The following PNISR variants were observed in gnomAD, a reference collection of about 807,000 sequenced individuals.
PNISR encodes the protein PNN interacting serine and arginine rich protein.
Under a neutral mutation model 93.4 loss-of-function variants are expected in PNISR, and 20 were observed. The observed-to-expected ratio is 0.21, with a 90% CI of 0.15 to 0.31. PNISR has a LOEUF of 0.31. Ranked by LOEUF, PNISR falls within the 10% of genes least tolerant of loss-of-function variation. The probability of loss-of-function intolerance (pLI) is 1.00; values close to 1 mark genes in which losing one functional copy is unlikely to be tolerated. For missense variants in PNISR, 893 were observed against 985.4 expected (o/e 0.91, Z 1.25); for synonymous variants, 305 against 306.5 (o/e 0.99, Z 0.05).
At chr6:99,412,398 A>G (rs1464725374) in intron 4 of PNISR, 153 bp downstream of exon 4, 4 of 714,522 alleles carry the variant, frequency 5.6e-6, no homozygotes, top group Admixed American at 2.0e-5. Context: ...TTTTAACCAC[A>G]AAATGTCAAA....
chr6:99,409,399 G>T, intron 5 of PNISR, 55 bp from the exon 6 acceptor site: 1 of 1,502,960 alleles, frequency 6.7e-7, no homozygotes, highest in Non-Finnish European at 9.2e-7. Flanking sequence ...ATACTCTCTG[G>T]GACACACGTG....
chr6:99,402,836 G>C, intron 10 of PNISR, 126 bp from the exon 11 acceptor site: 1 of 653,700 alleles, frequency 1.5e-6, no homozygotes, highest in Non-Finnish European at 2.5e-6. Context: ...ACGCTTATTC[G>C]GGGTGGGGAG....
At position 99,400,565 on chromosome 6, in the gene PNISR, T is replaced by C; in HGVS notation, c.2393A>G (p.His798Arg). 6.2e-7 allele frequency: 1 copy of C among 1,613,956 alleles called. No homozygotes were observed. Among genetic ancestry groups the C allele is most frequent in the Non-Finnish European group, 8.5e-7 (1 of 1,179,954 alleles). ...CTACCTTGATCGGGACTTAGACTTG[T>C]GTTTGCGGCTTGCCTTCTTACCAGA... is the stretch of plus-strand genomic sequence containing the variant. Reference protein sequence around the residue: ...QRSGKKASRKHKSKSRSR With the variant: ...QRSGKKASRKRKSKSRSR Residue 798 changes from histidine (H) to arginine (R), a missense_variant, in exon 12 of 12, where the codon CAC becomes CGC. His to Arg is a conservative substitution (Grantham distance 29). Coordinates refer to ENST00000369239, the MANE Select transcript of PNISR (RefSeq NM_032870.4).
chr6:99,410,782 C>T lies in PNISR; in HGVS notation c.460G>A (p.Asp154Asn), dbSNP rs1475265834. Residue 154 changes from aspartate (D) to asparagine (N), a missense_variant, in exon 5 of 12, where the codon GAT becomes AAT. By Grantham distance (23) the Asp-to-Asn change is conservative. This residue lies in a region of PNISR where 866 missense variants were observed against 935.1 expected (regional missense o/e 0.93). Transcript: ENST00000369239. ...TTCACTGGCCCCACTGCAAAATTATCGGGTGGTCCACCAAAGTTGTGATTG... is the reference window on the plus strand; with the variant it reads ...TTCACTGGCCCCACTGCAAAATTATTGGGTGGTCCACCAAAGTTGTGATTG... ...QNNHNFGGPP[D>N]NFAVGPVNQF... is the part of the protein sequence containing the mutation. The T allele has an allele frequency of 2.5e-6, 4 of 1,613,920 alleles. No individual in the cohort carries two copies. Among genetic ancestry groups the T allele is most frequent in the Admixed American group, 1.7e-5 (1 of 59,962 alleles).
At chr6:99,405,262 C>G (rs527520686) in intron 8 of PNISR, among the ~76,000 whole-genome samples, 77 of 152,052 alleles carry the variant, frequency 5.1e-4, no homozygotes, top group African/African-American at 1.8e-3. Context: ...GTCAGGTGTT[C>G]GACACCAGCC....
At position 99,402,608 on chromosome 6, in the gene PNISR, C is replaced by T. The variant is rs200930300; in HGVS notation, c.1259G>A (p.Arg420Gln). ...TCTCCAAAAAGCTTCCTGTTTTTGCCGGATTCGATGCCGTAATTCTTCATC... is the reference window on the plus strand; with the variant it reads ...TCTCCAAAAAGCTTCCTGTTTTTGCTGGATTCGATGCCGTAATTCTTCATC... The part of the protein sequence containing the change: ...TDDEELRHRI[R>Q]QKQEAFWRKE... Residue 420 changes from arginine (R) to glutamine (Q), a missense_variant, in exon 11 of 12, where the codon CGG becomes CAG. By Grantham distance (43) the Arg-to-Gln change is conservative. Coordinates refer to ENST00000369239, the MANE Select transcript of PNISR (RefSeq NM_032870.4). The T allele has an allele frequency of 1.0e-4, 164 of 1,613,294 alleles. 1 individual carries two copies. Among genetic ancestry groups the T allele is most frequent in the South Asian group, 7.3e-4 (66 of 91,016 alleles).
At chr6:99,423,145 T>TAA (rs1400259012) in intron 1 of PNISR, among the ~76,000 whole-genome samples, 1 of 139,228 alleles carries the variant, frequency 7.2e-6, no homozygotes, top group African/African-American at 2.6e-5. Context: ...AATAAAGTGC[T>TAA]AAAAAAAAAA....
Position 99,410,583 on chromosome 6 carries a change from ATTATT to A in PNISR, c.501+153_501+157del, listed in dbSNP as rs1361779562. The A allele has an allele frequency of 9.3e-6, 5 of 537,034 alleles. No individual in the cohort carries two copies. The African/African-American group carries it at 9.4e-5, about 10-fold the overall frequency. 33.3% of individuals were successfully genotyped at this position (537,034 alleles called of 1,614,324 possible). The stretch of plus-strand genomic sequence containing the variant: ...TAAAAAAATCAGAAAACAAATTCTA[ATTATT>A]TTAATACTCAAAAATTGATAACTGA... On this transcript the variant is annotated intron_variant, in intron 5 of 11. Transcript: ENST00000369239.
intron 1 of PNISR, among the ~76,000 whole-genome samples, chr6:99,418,524 A>G (rs1363979367): frequency 1.3e-5 from 2 of 151,828 alleles, no homozygotes; most frequent in Non-Finnish European, 2.9e-5. Flanking sequence ...TGTATCACCT[A>G]TGATCATTTT....
In PNISR at chr6:99,408,097, G is replaced by A; in HGVS notation, c.848C>T (p.Pro283Leu). The change falls in exon 7 of 12, where the codon CCT becomes CTT. Residue 283 changes from proline (P) to leucine (L), a missense_variant. Physicochemically the swap from Pro to Leu is moderately conservative, Grantham distance 98. This residue lies in a region of PNISR where 866 missense variants were observed against 935.1 expected (regional missense o/e 0.93). Coordinates refer to ENST00000369239, the MANE Select transcript of PNISR (RefSeq NM_032870.4). ...TCTACTTACAAATTTACTTCTCTGAGGTAAACGAGGGCCATCCCCTCCTTC... is the reference window on the plus strand; with the variant it reads ...TCTACTTACAAATTTACTTCTCTGAAGTAAACGAGGGCCATCCCCTCCTTC... ...DAEGGDGPRL[P>L]QRSKFDSDEE... The A allele has an allele frequency of 6.3e-7, 1 of 1,598,682 alleles. No individual in the cohort carries two copies. The highest frequency in any genetic ancestry group is 1.1e-5 in the South Asian group (1 of 87,890).
chr6:99,417,202 G>A (rs1777817174), intron 1 of PNISR, among the ~76,000 whole-genome samples: 2 of 152,110 alleles, frequency 1.3e-5, no homozygotes, highest in Admixed American at 1.3e-4. Flanking sequence ...CTGAAAATGT[G>A]CACTTACTAA....
In PNISR at chr6:99,404,607, C is replaced by T. The variant is rs148846721; in HGVS notation, c.1098G>A (p.Thr366=). The T allele has an allele frequency of 2.7e-4, 423 of 1,559,656 alleles. No homozygotes were observed. Among genetic ancestry groups the T allele is most frequent in the Non-Finnish European group, 3.4e-4 (390 of 1,130,620 alleles). Residue 366 remains threonine, a synonymous_variant, in exon 9 of 12, where the codon ACG becomes ACA. Transcript: ENST00000369239. ...YVAKDAHRKA[T]KAPAKQLAQS... is the part of the protein sequence containing the mutation. ...ACCAGAAACACCAAAATATACCTTTCGTTGCTTTGCGGTGTGCATCTTTGG... is the reference window on the plus strand; with the variant it reads ...ACCAGAAACACCAAAATATACCTTTTGTTGCTTTGCGGTGTGCATCTTTGG...
At chr6:99,421,404 TGTGA>T (rs1778534946) in intron 1 of PNISR, among the ~76,000 whole-genome samples, 1 of 152,222 alleles carries the variant, frequency 6.6e-6, no homozygotes, top group African/African-American at 2.4e-5. Context: ...AAGTGATACT[TGTGA>T]GTATGTCCTT....
In PNISR at chr6:99,406,166, A is replaced by C. The variant is rs891133821; in HGVS notation, c.867T>G (p.Asp289Glu). The change falls in exon 8 of 12, where the codon GAT (aspartate) becomes GAG (glutamate). Residue 289 changes from aspartate to glutamate, a missense_variant and splice_region_variant. Transcript: ENST00000369239. ...CAGTGTCTTCTTCTTCCTCATCACT[A>C]TCCTATAAAAAACAATAGTATGGTA... is the stretch of plus-strand genomic sequence containing the variant. ...GPRLPQRSKF[D>E]SDEEEEDTEN... 3.7e-6 allele frequency: 6 copies of C among 1,603,772 alleles called. No homozygotes were observed. The highest frequency in any genetic ancestry group is 1.7e-5 in the Admixed American group (1 of 59,386).
rs1775361338 is a variant in PNISR, at chr6:99,400,747, T to C, written c.2211A>G (p.Arg737=). The C allele has an allele frequency of 6.2e-7, 1 of 1,610,528 alleles. No individual in the cohort carries two copies. The highest frequency in any genetic ancestry group is 8.5e-7 in the Non-Finnish European group (1 of 1,178,098). ...TGGTAGTACTTTTCTTACTATCCTG[T>C]CTAGAATCATGTCTTATGATTTTAA... is the stretch of plus-strand genomic sequence containing the variant. ...ISVKIIRHDS[R]QDSKKSTTKD... is the part of the protein sequence containing the mutation. The change falls in exon 12 of 12, where the codon AGA becomes AGG. Residue 737 remains arginine (R), a synonymous_variant. Coordinates refer to ENST00000369239, the MANE Select transcript of PNISR (RefSeq NM_032870.4).
rs373116454 is a variant in PNISR at position 99,403,815 on chromosome 6, T to C, written c.1156+14A>G. ...TTCCCTTTAGGCCCTCTCACAAATATGGAAAACACTTACCGAGTCCAGTGA... is the reference window on the plus strand; with the variant it reads ...TTCCCTTTAGGCCCTCTCACAAATACGGAAAACACTTACCGAGTCCAGTGA... On this transcript the variant is annotated intron_variant, in intron 10 of 11. Transcript: ENST00000369239. The C allele has an allele frequency of 3.6e-5, 58 of 1,607,240 alleles. No individual in the cohort carries two copies. Among genetic ancestry groups the C allele is most frequent in the Non-Finnish European group, 4.5e-5 (53 of 1,174,430 alleles).
At chr6:99,407,126 C>A (rs1244076373) in intron 7 of PNISR, among the ~76,000 whole-genome samples, 1 of 152,026 alleles carries the variant, frequency 6.6e-6, no homozygotes, top group African/African-American at 2.4e-5. Context: ...TCAAGACCAG[C>A]CTGGGCAACA....
intron 11 of PNISR, 21 bp downstream of exon 11, chr6:99,402,519 A>T (rs777514283): frequency 1.3e-6 from 2 of 1,492,480 alleles, no homozygotes; most frequent in South Asian, 1.4e-5. Flanking sequence ...ACCAAAATTA[A>T]GTCTAAAAGG....
intron 6 of PNISR, 70 bp from the exon 7 acceptor site, chr6:99,408,341 T>A: frequency 9.2e-7 from 1 of 1,086,824 alleles, no homozygotes; most frequent in Non-Finnish European, 1.4e-6. Context: ...TGAGTAAATT[T>A]AAAAAATATC....
Sources: allele counts gnomAD v4.1 joint callset (sites outside exome capture counted in the v4.1 genomes callset), GRCh38; gene constraint gnomAD v4.1.1; regional missense constraint gnomAD v4.1.1; transcripts MANE v1.5; gene names NCBI Gene and HGNC (gene_info 2026-07-23, HGNC 2026-07-21).